Variants in SPHKAP observed in about 807,000 individuals in gnomAD.
The protein encoded by SPHKAP is A-kinase anchor protein SPHKAP.
A neutral mutation model predicts 137.5 loss-of-function variants in SPHKAP; 67 were observed. The observed-to-expected ratio is 0.49, with a 90% CI of 0.40 to 0.60. SPHKAP has a LOEUF of 0.60. SPHKAP is among the 20% of genes least tolerant of loss of function. The pLI is 0.00. For synonymous variants in SPHKAP, 813 were observed against 785.3 expected (o/e 1.04, Z -0.59); for missense variants, 2,097 against 2,069.3 (o/e 1.01, Z -0.26).
intron 1 of SPHKAP, among the ~76,000 whole-genome samples, chr2:228,152,456 T>C (rs1453166106): frequency 6.6e-6 from 1 of 152,118 alleles, no homozygotes; most frequent in East Asian, 1.9e-4. Flanking sequence ...TGGTTAGCCA[T>C]TGGATGATAT....
intron 5 of SPHKAP, among the ~76,000 whole-genome samples, chr2:228,023,954 C>T (rs1694936355): frequency 6.6e-6 from 1 of 152,116 alleles, no homozygotes; most frequent in Admixed American, 6.5e-5. Flanking sequence ...AATGACGTCC[C>T]ATTCACTCTT....
At chr2:228,080,396 T>C (rs556302612) in intron 3 of SPHKAP, among the ~76,000 whole-genome samples, 1 of 152,280 alleles carries the variant, frequency 6.6e-6, no homozygotes, top group South Asian at 2.1e-4. Flanking sequence ...TTCCTAATAA[T>C]CAGAGAAATG....
At chr2:228,065,845 T>C (rs73096662) in intron 3 of SPHKAP, among the ~76,000 whole-genome samples, 2,817 of 152,300 alleles carry the variant, frequency 0.018, 86 homozygotes, top group African/African-American at 0.062. Context: ...GATGAATCCT[T>C]CACTGAGCAA....
At chr2:227,989,987 C>A (rs1260364949) in intron 11 of SPHKAP, among the ~76,000 whole-genome samples, 1 of 152,026 alleles carries the variant, frequency 6.6e-6, no homozygotes, top group African/African-American at 2.4e-5. Flanking sequence ...AGATTGACAC[C>A]AAAAGGACAT....
intron 1 of SPHKAP, among the ~76,000 whole-genome samples, chr2:228,152,979 G>A (rs760327867): frequency 1.1e-4 from 17 of 152,066 alleles, no homozygotes; most frequent in South Asian, 4.1e-4. Context: ...AACTGTTCTC[G>A]TGGTTTTAAG....
intron 1 of SPHKAP, among the ~76,000 whole-genome samples, chr2:228,177,195 CT>C (rs199526972): frequency 0.1 from 14,345 of 143,910 alleles, 761 homozygotes; most frequent in East Asian, 0.2. Context: ...TCTTTTAAGC[CT>C]TTTTTTTTTT....
At chr2:228,136,275 C>G (rs150758980) in intron 1 of SPHKAP, among the ~76,000 whole-genome samples, 2 of 152,184 alleles carry the variant, frequency 1.3e-5, no homozygotes. Context: ...TAAGCACAAC[C>G]TTTCAAACTG....
chr2:228,103,876 T>A (rs1559175128), intron 3 of SPHKAP, among the ~76,000 whole-genome samples: 2 of 152,166 alleles, frequency 1.3e-5, no homozygotes, highest in South Asian at 4.1e-4. Context: ...CATTCCACAC[T>A]GAAGTGTGTA....
chr2:228,148,359 A>C (rs1699837649), intron 1 of SPHKAP, among the ~76,000 whole-genome samples: 1 of 152,202 alleles, frequency 6.6e-6, no homozygotes, highest in African/African-American at 2.4e-5. Context: ...AATGTCTGCC[A>C]CCTGTCTAGT....
chr2:228,151,522 T>G (rs1699930260), intron 1 of SPHKAP, among the ~76,000 whole-genome samples: 1 of 152,178 alleles, frequency 6.6e-6, no homozygotes, highest in Admixed American at 6.5e-5. Flanking sequence ...ACTTCCACAA[T>G]GGTTGAACTA....
intron 1 of SPHKAP, chr2:228,169,707 C>A (rs868021479): frequency 6.6e-6 from 1 of 151,972 alleles, no homozygotes; most frequent in South Asian, 2.1e-4. Flanking sequence ...GGAGTAATTT[C>A]GATTTTCAAG....
chr2:228,174,231 A>G (rs1700671770), intron 1 of SPHKAP, among the ~76,000 whole-genome samples: 1 of 152,200 alleles, frequency 6.6e-6, no homozygotes, highest in Non-Finnish European at 1.5e-5. Flanking sequence ...TTTGAGAAAG[A>G]CTGAATCAAA....
chr2:228,096,263 G>T (rs937026867), intron 3 of SPHKAP, among the ~76,000 whole-genome samples: 1 of 152,078 alleles, frequency 6.6e-6, no homozygotes, highest in South Asian at 2.1e-4. Flanking sequence ...ACTTTGAATT[G>T]GATACTTGGG....
At chr2:228,057,882 G>C (rs956660837) in intron 3 of SPHKAP, among the ~76,000 whole-genome samples, 1 of 152,106 alleles carries the variant, frequency 6.6e-6, no homozygotes, top group African/African-American at 2.4e-5. Flanking sequence ...TCGGTCGGAA[G>C]CTCTTATTTG....
chr2:228,100,804 T>A (rs1327047210), intron 3 of SPHKAP, among the ~76,000 whole-genome samples: 1 of 151,666 alleles, frequency 6.6e-6, no homozygotes, highest in African/African-American at 2.4e-5. Flanking sequence ...ATGCAGTTTG[T>A]TGTTGTTGTT....
intron 3 of SPHKAP, among the ~76,000 whole-genome samples, chr2:228,092,655 C>CAT (rs972558406): frequency 1.4e-5 from 2 of 146,220 alleles, no homozygotes; most frequent in South Asian, 2.1e-4. Flanking sequence ...TATGTATATA[C>CAT]ATATATATAC....
chr2:228,132,160 C>A, intron 1 of SPHKAP, 75 bp from the exon 2 acceptor site: 1 of 1,220,852 alleles, frequency 8.2e-7, no homozygotes, highest in Non-Finnish European at 1.2e-6. Context: ...ATAAGTAAAT[C>A]ACAACATGGT....
chr2:228,029,570 C>G (rs1269182269), intron 3 of SPHKAP, among the ~76,000 whole-genome samples: 2 of 152,096 alleles, frequency 1.3e-5, no homozygotes, highest in Non-Finnish European at 2.9e-5. Flanking sequence ...GACCCACACT[C>G]CCATTCAGAA....
At chr2:228,124,092 A>T (rs12620465) in intron 2 of SPHKAP, among the ~76,000 whole-genome samples, 50,422 of 149,712 alleles carry the variant, frequency 0.34, 8,810 homozygotes, top group East Asian at 0.49. Flanking sequence ...CAACAGGTGC[A>T]GGAGAGGATG....
Sources: gnomAD v4.1 joint callset for allele counts (sites outside exome capture counted in the v4.1 genomes callset) on GRCh38, gnomAD v4.1.1 for gene constraint, MANE v1.5 for transcripts, NCBI Gene and HGNC (gene_info 2026-07-23, HGNC 2026-07-21) for gene names.